Variants in NEBL observed in about 807,000 individuals in gnomAD.
NEBL encodes nebulette, also known as LIM and SH3 protein 2.
A neutral mutation model predicts 140.2 loss-of-function variants in NEBL; 122 were observed. The ratio of observed to expected loss-of-function variants is 0.87; its 90% confidence interval spans 0.75 to 1.01. The LOEUF (loss-of-function observed/expected upper bound fraction) is 1.01, where lower values mean the gene tolerates loss of function less well. NEBL is among the 50% of genes least tolerant of loss of function. The pLI is 0.00. For synonymous variants in NEBL, 436 were observed against 398.9 expected (o/e 1.09, Z -1.11); for missense variants, 1,365 against 1,231.3 (o/e 1.11, Z -1.62).
At chr10:20,896,710 C>T (rs990671271) in intron 2 of NEBL, among the ~76,000 whole-genome samples, 3 of 151,812 alleles carry the variant, frequency 2.0e-5, no homozygotes, top group Non-Finnish European at 2.9e-5. Context: ...TTCATGCCAG[C>T]GTGACAGCAA....
chr10:20,896,311 A>C (rs1368006498), intron 2 of NEBL, among the ~76,000 whole-genome samples: 3 of 151,718 alleles, frequency 2.0e-5, no homozygotes, highest in Non-Finnish European at 1.5e-5. Flanking sequence ...TTATATGTTC[A>C]ATCATTCAAT....
chr10:21,277,430 G>A (rs1028186823), intron 1 of NEBL, among the ~76,000 whole-genome samples: 13 of 151,996 alleles, frequency 8.6e-5, no homozygotes, highest in South Asian at 2.1e-4. Flanking sequence ...GGCTGGTCTC[G>A]AACTCCTGAC....
intron 3 of NEBL, among the ~76,000 whole-genome samples, chr10:21,209,661 C>CTT (rs796931946): frequency 8.8e-5 from 11 of 124,450 alleles, no homozygotes; most frequent in African/African-American, 2.4e-4. Context: ...TTTTTTTTTT[C>CTT]TTTTTTTTTT....
At chr10:20,936,727 C>T (rs1016485903) in intron 4 of NEBL, among the ~76,000 whole-genome samples, 5 of 152,174 alleles carry the variant, frequency 3.3e-5, no homozygotes, top group African/African-American at 9.7e-5. Flanking sequence ...TTTAGGATTA[C>T]CACTCATTAT....
At chr10:21,108,290 T>C (rs1398893782) in intron 2 of NEBL, among the ~76,000 whole-genome samples, 3 of 152,202 alleles carry the variant, frequency 2.0e-5, no homozygotes, top group Non-Finnish European at 4.4e-5. Context: ...CTTTCTCTTG[T>C]GGGCATTTAG....
At chr10:21,150,667 T>A (rs1341686271) in intron 2 of NEBL, among the ~76,000 whole-genome samples, 1 of 152,226 alleles carries the variant, frequency 6.6e-6, no homozygotes, top group African/African-American at 2.4e-5. Flanking sequence ...GACAGAATCA[T>A]TACATGTTCC....
chr10:21,155,366 C>G (rs1208084866), intron 2 of NEBL, among the ~76,000 whole-genome samples: 1 of 151,352 alleles, frequency 6.6e-6, no homozygotes, highest in Admixed American at 6.6e-5. Flanking sequence ...TATCAAATAC[C>G]AGGTCTTATT....
chr10:20,802,600 A>G (rs1162837161), intron 26 of NEBL, among the ~76,000 whole-genome samples: 1 of 152,212 alleles, frequency 6.6e-6, no homozygotes, highest in East Asian at 1.9e-4. Flanking sequence ...CATGGAAAAC[A>G]CATAACCAAA....
At chr10:21,169,060 AAAAAAAAATATATATATATATAT>A (rs1397396606) in intron 2 of NEBL, among the ~76,000 whole-genome samples, 3 of 57,662 alleles carry the variant, frequency 5.2e-5, no homozygotes, top group African/African-American at 1.9e-4. Flanking sequence ...AAAAAAAAAA[AAAAAAAAATATATATATATATAT>A]ATATATATAT....
intron 9 of NEBL, among the ~76,000 whole-genome samples, chr10:20,857,221 T>C (rs1843164505): frequency 6.6e-6 from 1 of 152,208 alleles, no homozygotes; most frequent in Non-Finnish European, 1.5e-5. Context: ...GAAAGGAGGC[T>C]TACAAAATAA....
At chr10:21,043,289 GT>G (rs1589167001) in intron 2 of NEBL, among the ~76,000 whole-genome samples, 1 of 152,120 alleles carries the variant, frequency 6.6e-6, no homozygotes, top group East Asian at 1.9e-4. Context: ...ACACCAACCA[GT>G]TGTCATCCTA....
intron 22 of NEBL, among the ~76,000 whole-genome samples, chr10:20,814,794 A>T (rs1838559537): frequency 6.6e-6 from 1 of 152,194 alleles, no homozygotes; most frequent in Non-Finnish European, 1.5e-5. Flanking sequence ...TTCTCTGCTT[A>T]GGGAATAAGA....
chr10:20,877,563 T>G (rs1432550602), intron 5 of NEBL, among the ~76,000 whole-genome samples: 1 of 152,290 alleles, frequency 6.6e-6, no homozygotes, highest in East Asian at 1.9e-4. Context: ...CTTGCACGTG[T>G]GAATGTTGAC....
intron 26 of NEBL, among the ~76,000 whole-genome samples, chr10:20,793,999 G>T (rs904278428): frequency 6.6e-6 from 1 of 152,186 alleles, no homozygotes; most frequent in African/African-American, 2.4e-5. Context: ...TTTTCCCCCA[G>T]TGCTTTGTTT....
intron 4 of NEBL, among the ~76,000 whole-genome samples, chr10:20,947,959 C>CA (rs1217151488): frequency 2.0e-5 from 3 of 151,966 alleles, no homozygotes; most frequent in Admixed American, 6.6e-5. Flanking sequence ...CTGGGCCACA[C>CA]AAAAAAATAT....
chr10:20,888,925 G>A (rs1846783214), intron 3 of NEBL, among the ~76,000 whole-genome samples: 1 of 152,182 alleles, frequency 6.6e-6, no homozygotes, highest in South Asian at 2.1e-4. Flanking sequence ...AGTTCCTGAT[G>A]TTCTTCCTGC....
intron 16 of NEBL, 53 bp downstream of exon 16, chr10:20,831,143 T>G: frequency 8.1e-7 from 1 of 1,232,846 alleles, no homozygotes; most frequent in Non-Finnish European, 1.2e-6. Context: ...ACAAAGCACA[T>G]GGCAACATGA....
chr10:20,833,679 C>T (rs1271212213), intron 14 of NEBL, among the ~76,000 whole-genome samples: 2 of 151,562 alleles, frequency 1.3e-5, no homozygotes, highest in Non-Finnish European at 2.9e-5. Context: ...CTACTAGGAC[C>T]CTGGAGGCAG....
intron 2 of NEBL, among the ~76,000 whole-genome samples, chr10:21,153,178 C>T (rs1314028342): frequency 1.3e-5 from 2 of 152,114 alleles, no homozygotes; most frequent in East Asian, 3.8e-4. Context: ...TGCTATTATT[C>T]AATATTATCT....
Sources: allele counts gnomAD v4.1 joint callset (sites outside exome capture counted in the v4.1 genomes callset), GRCh38; gene constraint gnomAD v4.1.1; transcripts MANE v1.5; gene names NCBI Gene and HGNC (gene_info 2026-07-23, HGNC 2026-07-21).